Variants in DENND1A observed in about 807,000 individuals in gnomAD.
DENND1A encodes DENN domain containing 1A.
In DENND1A, 51 loss-of-function variants were observed where a neutral mutation model predicts 113.7. The ratio of observed to expected loss-of-function variants is 0.45; its 90% confidence interval spans 0.36 to 0.57. The LOEUF (loss-of-function observed/expected upper bound fraction) is 0.57, where lower values mean the gene tolerates loss of function less well. Ranked by LOEUF, DENND1A falls within the 20% of genes least tolerant of loss-of-function variation. DENND1A has a pLI of 0.00. For synonymous variants in DENND1A, 565 were observed against 570.8 expected, an observed-to-expected ratio of 0.99 and a Z score of 0.14; for missense variants, 1,258 against 1,395.9, an observed-to-expected ratio of 0.90 and a Z score of 1.57.
chr9:123,888,236 C>T (rs2041545), intron 1 of DENND1A, among the ~76,000 whole-genome samples: 44,185 of 152,050 alleles, frequency 0.29, 10,289 homozygotes, highest in African/African-American at 0.65. Context: ...TGAAGGGACA[C>T]GGGAGCAAGC....
chr9:123,863,826 C>G (rs1845423291), intron 2 of DENND1A, among the ~76,000 whole-genome samples: 1 of 152,122 alleles, frequency 6.6e-6, no homozygotes, highest in Non-Finnish European at 1.5e-5. Flanking sequence ...CATGCTATGT[C>G]CTCTATAGGA....
intron 9 of DENND1A, among the ~76,000 whole-genome samples, chr9:123,650,185 C>T (rs1160136383): frequency 6.6e-6 from 1 of 152,138 alleles, no homozygotes; most frequent in Non-Finnish European, 1.5e-5. Flanking sequence ...AAATTATGAA[C>T]TGCACGTATG....
At chr9:123,526,208 T>G (rs994680668) in intron 13 of DENND1A, among the ~76,000 whole-genome samples, 23 of 151,912 alleles carry the variant, frequency 1.5e-4, no homozygotes, top group African/African-American at 5.3e-4. Context: ...CACACCCCCA[T>G]GCCTGCTGTT....
intron 3 of DENND1A, among the ~76,000 whole-genome samples, chr9:123,772,229 C>A (rs1829833471): frequency 6.6e-6 from 1 of 152,164 alleles, no homozygotes; most frequent in African/African-American, 2.4e-5. Context: ...CATAAACATT[C>A]ATGTCTTATC....
In DENND1A at chr9:123,588,640, G is replaced by GT. The variant is rs1389029012; in HGVS notation, c.766-5371_766-5370insA. Among the ~76,000 whole-genome samples the GT allele has an allele frequency of 3.0e-5, 4 of 131,736 alleles. No individual in the cohort carries two copies. In the East Asian group the frequency reaches 1.1e-3, roughly 35 times the overall value. The allele number at this position is 131,736 out of a possible 152,430, so 86.4% of individuals were successfully genotyped here. A position where few individuals can be genotyped will look rare whatever the true frequency, so the allele number is the denominator to read the frequency against. On this transcript the variant is annotated intron_variant, in intron 11 of 23. Coordinates refer to ENST00000394215, the MANE Select transcript of DENND1A (RefSeq NM_001352964.2). Reference sequence around the variant, plus strand: ...CATCTCAAAAAAAAAAAAAGGGGGGGGGGGAAGAGAAAAGTTTAAAGAAGA... The same window carrying GT: ...CATCTCAAAAAAAAAAAAAGGGGGGGTGGGGAAGAGAAAAGTTTAAAGAAGA...
intron 12 of DENND1A, among the ~76,000 whole-genome samples, chr9:123,578,796 G>A (rs939367054): frequency 6.6e-6 from 1 of 152,128 alleles, no homozygotes; most frequent in East Asian, 1.9e-4. Context: ...CATAGAGAAA[G>A]ATATGGTCAA....
At chr9:123,602,932 G>A (rs2059996458) in intron 11 of DENND1A, among the ~76,000 whole-genome samples, 1 of 152,152 alleles carries the variant, frequency 6.6e-6, no homozygotes, top group African/African-American at 2.4e-5. Context: ...GGATCACTTG[G>A]CACTAATAAA....
At chr9:123,737,610 C>A (rs563251877) in intron 5 of DENND1A, among the ~76,000 whole-genome samples, 1 of 152,118 alleles carries the variant, frequency 6.6e-6, no homozygotes, top group Non-Finnish European at 1.5e-5. Flanking sequence ...ACACATTCCT[C>A]GATCTTTAAA....
chr9:123,635,535 A>C (rs2061661727), intron 9 of DENND1A, among the ~76,000 whole-genome samples: 1 of 152,236 alleles, frequency 6.6e-6, no homozygotes, highest in South Asian at 2.1e-4. Flanking sequence ...ATGAGGTAAC[A>C]ATACCTGCTG....
intron 2 of DENND1A, among the ~76,000 whole-genome samples, chr9:123,842,684 C>T (rs560994978): frequency 2.0e-5 from 3 of 152,188 alleles, no homozygotes; most frequent in South Asian, 2.1e-4. Flanking sequence ...GAGAATTCTA[C>T]CAAACATTTA....
intron 5 of DENND1A, among the ~76,000 whole-genome samples, chr9:123,698,873 GAGA>G (rs1387839595): frequency 6.6e-6 from 1 of 152,238 alleles, no homozygotes; most frequent in African/African-American, 2.4e-5. Flanking sequence ...ACTAGCAGAA[GAGA>G]AGAAGTTCAG....
At position 123,852,304 on chromosome 9, in the gene DENND1A, A is replaced by G. The variant is rs564883316; in HGVS notation, c.88+26647T>C. Among the ~76,000 whole-genome samples, 41 of 152,270 alleles carry G rather than the reference A, an allele frequency of 2.7e-4. 1 individual carries two copies. The South Asian group carries it at 7.5e-3, about 28-fold the overall frequency. On this transcript the variant is annotated intron_variant, in intron 2 of 23. Transcript: ENST00000394215. Reference sequence around the variant, plus strand: ...ATTGAGGGGTCTGAGCTGCTGATGTAAGGATGGCACTTTTGGGGACCTTGG... The same window carrying G: ...ATTGAGGGGTCTGAGCTGCTGATGTGAGGATGGCACTTTTGGGGACCTTGG...
At chr9:123,459,411 T>C (rs1167166785) in intron 13 of DENND1A, among the ~76,000 whole-genome samples, 1 of 152,160 alleles carries the variant, frequency 6.6e-6, no homozygotes, top group African/African-American at 2.4e-5. Context: ...AATTTTAAAA[T>C]AATTAAAGAA....
intron 2 of DENND1A, among the ~76,000 whole-genome samples, chr9:123,837,596 A>G (rs1369448532): frequency 6.6e-6 from 1 of 152,228 alleles, no homozygotes. Flanking sequence ...AAACTGAGAC[A>G]CCAAACTATT....
At chr9:123,410,454 GT>G (rs1335843237) in intron 20 of DENND1A, among the ~76,000 whole-genome samples, 2 of 152,228 alleles carry the variant, frequency 1.3e-5, no homozygotes, top group Non-Finnish European at 2.9e-5. Flanking sequence ...GCCAACCACA[GT>G]TTGATGGAGA....
chr9:123,542,688 C>T (rs534136449), intron 13 of DENND1A, among the ~76,000 whole-genome samples: 2 of 152,124 alleles, frequency 1.3e-5, no homozygotes, highest in Non-Finnish European at 2.9e-5. Flanking sequence ...TATCTCTTCA[C>T]GCTCTCTCTG....
chr9:123,728,511 C>T (rs202015432), intron 5 of DENND1A, among the ~76,000 whole-genome samples: 2 of 26,578 alleles, frequency 7.5e-5, no homozygotes, highest in Non-Finnish European at 1.5e-4. Context: ...AAAAAAAAAA[C>T]AGGCATCAGT....
At chr9:123,911,849 C>A (rs1854039424) in intron 1 of DENND1A, among the ~76,000 whole-genome samples, 1 of 152,042 alleles carries the variant, frequency 6.6e-6, no homozygotes, top group South Asian at 2.1e-4. Context: ...CGCCACCATG[C>A]CCGGCTAATT....
intron 6 of DENND1A, 71 bp from the exon 7 acceptor site, chr9:123,671,442 T>G: frequency 6.9e-7 from 1 of 1,439,162 alleles, no homozygotes; most frequent in South Asian, 1.2e-5. Context: ...CAGGGAGGTC[T>G]GGGCACACAT....
Sources: allele counts gnomAD v4.1 joint callset (sites outside exome capture counted in the v4.1 genomes callset), GRCh38; gene constraint gnomAD v4.1.1; transcripts MANE v1.5; gene names NCBI Gene and HGNC (gene_info 2026-07-23, HGNC 2026-07-21).